PGM2: variants seen among roughly 807,000 people sequenced by gnomAD.
The protein encoded by PGM2 is phosphoglucomutase 2, also known as phosphopentomutase.
A neutral mutation model predicts 74.6 loss-of-function variants in PGM2; 57 were observed. That is an observed-to-expected ratio of 0.76 (90% CI 0.62 to 0.95). The LOEUF (loss-of-function observed/expected upper bound fraction) is 0.95, where lower values mean the gene tolerates loss of function less well. Ranked by LOEUF, PGM2 falls within the 40% of genes least tolerant of loss-of-function variation. PGM2 has a pLI of 0.00. For synonymous variants in PGM2, 273 were observed against 260.7 expected, an observed-to-expected ratio of 1.05 and a Z score of -0.46; for missense variants, 706 against 741.9, an observed-to-expected ratio of 0.95 and a Z score of 0.56.
Position 37,837,621 on chromosome 4 carries a change from G to C in PGM2, c.441+8G>C. 6.4e-7 allele frequency: 1 copy of C among 1,561,376 alleles called. No individual in the cohort carries two copies. Among genetic ancestry groups the C allele is most frequent in the Non-Finnish European group, 8.8e-7 (1 of 1,131,738 alleles). The stretch of plus-strand genomic sequence containing the variant: ...ACGCCAACCCCCTTTGTGGTAAGTA[G>C]CCATTTCCTTTCATAATTTCCTGTC... On this transcript the variant is annotated splice_region_variant and intron_variant, in intron 4 of 13. Transcript: ENST00000381967.
chr4:37,846,321 GA>G (rs11302389), intron 8 of PGM2, among the ~76,000 whole-genome samples: 12,487 of 152,152 alleles, frequency 0.082, 977 homozygotes, highest in East Asian at 0.18. Flanking sequence ...TGCTGCTGCT[GA>G]AATGGTAGGG....
At chr4:37,859,781 GT>G (rs1711702151) in intron 13 of PGM2, among the ~76,000 whole-genome samples, 1 of 152,080 alleles carries the variant, frequency 6.6e-6, no homozygotes, top group Admixed American at 6.6e-5. Flanking sequence ...TAGCTTAAAT[GT>G]TTTTTCATGA....
In PGM2 at chr4:37,847,182, C is replaced by T; in HGVS notation, c.1189-20C>T. The T allele has an allele frequency of 6.2e-7, 1 of 1,607,816 alleles. No individual in the cohort carries two copies. Among genetic ancestry groups the T allele is most frequent in the Non-Finnish European group, 8.5e-7 (1 of 1,174,456 alleles). Reference sequence around the variant, plus strand: ...TAGAAGATCTAAGGCATGTCTTTCTCTTTTGGATTATCCCTTTAGGAAACA... The same window carrying T: ...TAGAAGATCTAAGGCATGTCTTTCTTTTTTGGATTATCCCTTTAGGAAACA... On this transcript the variant is annotated intron_variant, in intron 9 of 13. Transcript: ENST00000381967.
intron 12 of PGM2, 132 bp downstream of exon 12, chr4:37,850,505 A>C: frequency 1.8e-6 from 1 of 561,020 alleles, no homozygotes; most frequent in Non-Finnish European, 2.9e-6. Flanking sequence ...AATAAGCTAT[A>C]AAAAATATAT....
rs777184722 is a variant in PGM2, at chr4:37,839,960, C to T, written c.525+29C>T. 6.7e-6 allele frequency: 10 copies of T among 1,491,560 alleles called. No individual in the cohort carries two copies. The South Asian group carries it at 9.1e-5, about 14-fold the overall frequency. The allele number at this position is 1,491,560 out of a possible 1,614,324, so 92.4% of individuals were successfully genotyped here. A position where few individuals can be genotyped will look rare whatever the true frequency, so the allele number is the denominator to read the frequency against. Reference sequence around the variant, plus strand: ...TTTTCCTTTTTCTACTCCACACGTACATCCTTCTGTAGGAATCCTGTATCT... The same window carrying T: ...TTTTCCTTTTTCTACTCCACACGTATATCCTTCTGTAGGAATCCTGTATCT... On this transcript the variant is annotated intron_variant, in intron 5 of 13. Transcript: ENST00000381967.
At chr4:37,857,091 C>A (rs1711545398) in intron 13 of PGM2, among the ~76,000 whole-genome samples, 1 of 152,034 alleles carries the variant, frequency 6.6e-6, no homozygotes, top group African/African-American at 2.4e-5. Flanking sequence ...GATTTTAATA[C>A]CCAGATTATT....
Position 37,846,986 on chromosome 4 carries a change from C to A in PGM2, c.1063C>A (p.Leu355Ile). 1 of 1,613,590 alleles carries A rather than the reference C, an allele frequency of 6.2e-7. No individual in the cohort carries two copies. The highest frequency in any genetic ancestry group is 8.5e-7 in the Non-Finnish European group (1 of 1,179,714). ...NELGALLGWWLFTSWKEKNQD... is the reference protein window; with the variant it reads ...NELGALLGWWIFTSWKEKNQD... The stretch of plus-strand genomic sequence containing the variant: ...GTTGGGGGCCCTCCTGGGCTGGTGG[C>A]TTTTTACATCTTGGAAAGAGAAGAA... Residue 355 changes from leucine (L) to isoleucine (I), a missense_variant, in exon 9 of 14, where the codon CTT becomes ATT. This residue lies in a region of PGM2 where 359 missense variants were observed against 371.1 expected (regional missense o/e 0.97). Coordinates refer to ENST00000381967, the MANE Select transcript of PGM2 (RefSeq NM_018290.4).
At chr4:37,857,390 C>T (rs1711561279) in intron 13 of PGM2, among the ~76,000 whole-genome samples, 1 of 151,948 alleles carries the variant, frequency 6.6e-6, no homozygotes, top group South Asian at 2.1e-4. Context: ...TCTTAAATTG[C>T]CAAGCTAGTA....
chr4:37,855,170 G>A (rs1448761723), intron 12 of PGM2, among the ~76,000 whole-genome samples: 1 of 152,104 alleles, frequency 6.6e-6, no homozygotes, highest in Admixed American at 6.6e-5. Flanking sequence ...CCTTTGACAA[G>A]CATCTCCCCA....
chr4:37,848,528 T>C lies in PGM2; in HGVS notation c.1289T>C (p.Met430Thr), dbSNP rs760615952. The C allele has an allele frequency of 1.9e-6, 3 of 1,613,168 alleles. No homozygotes were observed. The highest frequency in any genetic ancestry group is 1.3e-5 in the African/African-American group (1 of 74,908). The change falls in exon 11 of 14, where the codon ATG becomes ACG. Residue 430 changes from methionine (M) to threonine (T), a missense_variant. By Grantham distance (81) the Met-to-Thr change is moderately conservative. Coordinates refer to ENST00000381967, the MANE Select transcript of PGM2 (RefSeq NM_018290.4). ...LFAFEEAIGY[M>T]CCPFVLDKDG... ...ATGACGTGTGTTTCTGCAGGATACA[T>C]GTGCTGCCCTTTTGTTCTGGACAAA...
At chr4:37,847,643 C>T (rs947001808) in intron 10 of PGM2, among the ~76,000 whole-genome samples, 3 of 152,192 alleles carry the variant, frequency 2.0e-5, no homozygotes, top group Non-Finnish European at 4.4e-5. Flanking sequence ...TGTCCCTCCT[C>T]CTCCAAAAGT....
intron 2 of PGM2, among the ~76,000 whole-genome samples, chr4:37,833,896 T>A (rs1026836988): frequency 1.3e-5 from 2 of 150,184 alleles, no homozygotes; most frequent in African/African-American, 2.5e-5. Flanking sequence ...GAGTACAAAT[T>A]CTCAGATTGT....
At chr4:37,836,581 C>T (rs534819090) in intron 3 of PGM2, among the ~76,000 whole-genome samples, 1 of 152,268 alleles carries the variant, frequency 6.6e-6, no homozygotes, top group East Asian at 1.9e-4. Flanking sequence ...TGTGCCCCAG[C>T]CAGCCTTCAG....
chr4:37,850,228 A>C lies in PGM2; in HGVS notation c.1457A>C (p.Asp486Ala). The C allele has an allele frequency of 6.3e-7, 1 of 1,582,772 alleles. No individual in the cohort carries two copies. The highest frequency in any genetic ancestry group is 8.6e-7 in the Non-Finnish European group (1 of 1,168,480). ...AAAGCTTCCTATTTTATCTGCCATG[A>C]TCAAGAAACCATTAAGAAATTATTT... The part of the protein sequence containing the change: ...ITKASYFICH[D>A]QETIKKLFEN... The change falls in exon 12 of 14, where the codon GAT (aspartate) becomes GCT (alanine). Residue 486 changes from aspartate to alanine, a missense_variant. By Grantham distance (126) the Asp-to-Ala change is moderately radical. This residue lies in a region of PGM2 where 359 missense variants were observed against 371.1 expected (regional missense o/e 0.97). Transcript: ENST00000381967.
At chr4:37,840,332 A>C (rs1437666833) in intron 6 of PGM2, 73 bp downstream of exon 6, 2 of 860,234 alleles carry the variant, frequency 2.3e-6, no homozygotes, top group Admixed American at 2.2e-5. Flanking sequence ...GTGTTTGTGA[A>C]GTTTTTCTCT....
At chr4:37,845,016 T>C (rs9998795) in intron 7 of PGM2, among the ~76,000 whole-genome samples, 12,429 of 151,778 alleles carry the variant, frequency 0.082, 986 homozygotes, top group East Asian at 0.18. Flanking sequence ...GTATATTTGT[T>C]AGTCATTAAT....
intron 10 of PGM2, 193 bp downstream of exon 10, chr4:37,847,488 T>C (rs28685722): frequency 0.053 from 29,041 of 543,090 alleles, 1,780 homozygotes; most frequent in African/African-American, 0.18. Flanking sequence ...TAAAAACAAC[T>C]AAGTCATTCA....
At chr4:37,834,794 A>G (rs530402855) in intron 3 of PGM2, 70 bp downstream of exon 3, 15 of 748,590 alleles carry the variant, frequency 2.0e-5, no homozygotes, top group African/African-American at 1.3e-4. Context: ...TCACCATCTC[A>G]ATAACTTGAC....
chr4:37,841,556 G>T (rs987391751), intron 6 of PGM2, among the ~76,000 whole-genome samples: 1 of 152,160 alleles, frequency 6.6e-6, no homozygotes, highest in Admixed American at 6.5e-5. Flanking sequence ...GCTGAGTGTT[G>T]CCCACATGAA....
Sources: gnomAD v4.1 joint callset for allele counts (sites outside exome capture counted in the v4.1 genomes callset) on GRCh38, gnomAD v4.1.1 for gene constraint, gnomAD v4.1.1 regional missense constraint, MANE v1.5 for transcripts, NCBI Gene and HGNC (gene_info 2026-07-23, HGNC 2026-07-21) for gene names.